TRDN: variants seen among roughly 807,000 people sequenced by gnomAD.
TRDN encodes triadin.
A neutral mutation model predicts 149.7 loss-of-function variants in TRDN; 161 were observed. The observed-to-expected ratio is 1.08, with a 90% confidence interval of 0.95 to 1.23. The LOEUF (loss-of-function observed/expected upper bound fraction) is 1.23, where lower values mean the gene tolerates loss of function less well. Among genes scored for constraint, TRDN ranks in the 50% most tolerant of loss-of-function variants. The pLI is 0.00. For synonymous variants in TRDN, 294 were observed against 250.5 expected, an observed-to-expected ratio of 1.17 and a Z score of -1.64; for missense variants, 896 against 823.5, an observed-to-expected ratio of 1.09 and a Z score of -1.08.
chr6:123,583,011 A>G (rs1299555383), intron 1 of TRDN, among the ~76,000 whole-genome samples: 3 of 152,162 alleles, frequency 2.0e-5, no homozygotes, highest in African/African-American at 7.2e-5. Flanking sequence ...GAATTGAAAA[A>G]CTAAACGGAA....
chr6:123,264,423 G>T (rs139521705), intron 33 of TRDN, among the ~76,000 whole-genome samples: 1 of 152,232 alleles, frequency 6.6e-6, no homozygotes, highest in Non-Finnish European at 1.5e-5. Flanking sequence ...TCAATGTCAT[G>T]ATCAAACTTG....
At chr6:123,342,518 T>C (rs748450408) in intron 21 of TRDN, among the ~76,000 whole-genome samples, 6 of 151,978 alleles carry the variant, frequency 3.9e-5, no homozygotes, top group Non-Finnish European at 8.8e-5. Context: ...CGTATAATGA[T>C]AAAGCATTAT....
intron 5 of TRDN, among the ~76,000 whole-genome samples, chr6:123,524,263 T>G (rs1470072747): frequency 6.6e-6 from 1 of 152,144 alleles, no homozygotes; most frequent in Non-Finnish European, 1.5e-5. Context: ...AATATGGGCT[T>G]GAATACATTA....
chr6:123,624,287 C>A (rs1441852065), intron 1 of TRDN, among the ~76,000 whole-genome samples: 1 of 152,052 alleles, frequency 6.6e-6, no homozygotes, highest in African/African-American at 2.4e-5. Context: ...AAAACAGAGA[C>A]CCATACCACG....
At chr6:123,409,942 G>T (rs949800429) in intron 12 of TRDN, among the ~76,000 whole-genome samples, 3 of 152,154 alleles carry the variant, frequency 2.0e-5, no homozygotes, top group Non-Finnish European at 4.4e-5. Context: ...AATCATAATT[G>T]TAAGAGAGAG....
At chr6:123,351,984 G>A in intron 21 of TRDN, 1 of 974,432 alleles carries the variant, frequency 1.0e-6, no homozygotes, top group Non-Finnish European at 1.2e-6. Context: ...CAAATAAAAT[G>A]CATTAACTAT....
intron 6 of TRDN, among the ~76,000 whole-genome samples, chr6:123,515,688 G>C (rs1370254335): frequency 6.6e-6 from 1 of 152,064 alleles, no homozygotes; most frequent in Non-Finnish European, 1.5e-5. Context: ...AGCAAGGTGA[G>C]AGGAAGGTTT....
At chr6:123,271,408 C>T (rs1452660689) in intron 29 of TRDN, among the ~76,000 whole-genome samples, 1 of 151,854 alleles carries the variant, frequency 6.6e-6, no homozygotes, top group Admixed American at 6.6e-5. Flanking sequence ...AGAAGTTTTC[C>T]TAACTTAAAT....
chr6:123,364,734 T>G (rs914099356), intron 20 of TRDN, among the ~76,000 whole-genome samples: 1 of 152,230 alleles, frequency 6.6e-6, no homozygotes, highest in African/African-American at 2.4e-5. Context: ...TAGCTTTGTC[T>G]AATTTTTGAA....
intron 37 of TRDN, among the ~76,000 whole-genome samples, chr6:123,252,921 A>C (rs1776423333): frequency 6.6e-6 from 1 of 152,170 alleles, no homozygotes. Context: ...TTGTTAAATT[A>C]AGAGTTTTGG....
chr6:123,463,804 G>C (rs907769499), intron 10 of TRDN, among the ~76,000 whole-genome samples: 6 of 138,718 alleles, frequency 4.3e-5, no homozygotes, highest in East Asian at 2.1e-4. Flanking sequence ...CTGGTTGTTT[G>C]TAAATCACTT....
At position 123,269,759 on chromosome 6, in the gene TRDN, A is replaced by G. The variant is rs948131549; in HGVS notation, c.1738+90T>C. On this transcript the variant is annotated intron_variant, in intron 31 of 40. Coordinates refer to ENST00000334268, the MANE Select transcript of TRDN (RefSeq NM_006073.4). ...TATTTAGACACAGACAACACTGAAAATAACATTTTTCTTAAAAAAACTAAG... is the reference window on the plus strand; with the variant it reads ...TATTTAGACACAGACAACACTGAAAGTAACATTTTTCTTAAAAAAACTAAG... 9.1e-6 allele frequency: 12 copies of G among 1,317,552 alleles called. No individual in the cohort carries two copies. The African/African-American group carries it at 1.5e-4, about 16-fold the overall frequency. 81.6% of individuals were successfully genotyped at this position (1,317,552 alleles called of 1,614,324 possible).
At chr6:123,552,159 A>G (rs984885302) in intron 2 of TRDN, among the ~76,000 whole-genome samples, 5 of 152,126 alleles carry the variant, frequency 3.3e-5, no homozygotes, top group Non-Finnish European at 7.4e-5. Flanking sequence ...ATTGTATCCA[A>G]GGTTTCTTCC....
At chr6:123,566,101 CAGAT>C (rs1315846846) in intron 2 of TRDN, among the ~76,000 whole-genome samples, 1 of 152,170 alleles carries the variant, frequency 6.6e-6, no homozygotes, top group African/African-American at 2.4e-5. Context: ...CAAACATTGA[CAGAT>C]AGGCATAGTA....
chr6:123,480,978 C>A (rs1222964372), intron 9 of TRDN, among the ~76,000 whole-genome samples: 1 of 151,962 alleles, frequency 6.6e-6, no homozygotes, highest in African/African-American at 2.4e-5. Context: ...ACCTTAAGAC[C>A]CACCAACAAC....
intron 31 of TRDN, 29 bp from the exon 32 acceptor site, chr6:123,267,780 A>C: frequency 6.5e-7 from 1 of 1,540,894 alleles, no homozygotes; most frequent in Non-Finnish European, 8.8e-7. Context: ...ATTCACTGGC[A>C]ATCTGTGGAT....
intron 34 of TRDN, 70 bp downstream of exon 34, chr6:123,260,542 T>A: frequency 7.0e-7 from 1 of 1,419,092 alleles, no homozygotes; most frequent in African/African-American, 1.5e-5. Context: ...ATGTTATACA[T>A]CTAGAAACTT....
At chr6:123,257,854 C>T (rs1776619451) in intron 35 of TRDN, among the ~76,000 whole-genome samples, 1 of 152,066 alleles carries the variant, frequency 6.6e-6, no homozygotes, top group South Asian at 2.1e-4. Context: ...CTTCACATCC[C>T]TTGTAAGTTG....
At chr6:123,481,725 A>G (rs1777759549) in intron 9 of TRDN, among the ~76,000 whole-genome samples, 2 of 152,148 alleles carry the variant, frequency 1.3e-5, no homozygotes, top group Non-Finnish European at 2.9e-5. Context: ...TCTGACAAAC[A>G]ATCTCCAAAA....
Sources: allele counts gnomAD v4.1 joint callset (sites outside exome capture counted in the v4.1 genomes callset), GRCh38; gene constraint gnomAD v4.1.1; transcripts MANE v1.5; gene names NCBI Gene and HGNC (gene_info 2026-07-23, HGNC 2026-07-21).